Variants in ZNF565 observed in about 807,000 individuals in gnomAD.
The protein encoded by ZNF565 is zinc finger protein 565.
A neutral mutation model predicts 39.4 loss-of-function variants in ZNF565; 27 were observed. The observed-to-expected ratio is 0.69, with a 90% CI of 0.51 to 0.95. The LOEUF (loss-of-function observed/expected upper bound fraction) is 0.95. ZNF565 is among the 40% of genes least tolerant of loss of function. The probability of loss-of-function intolerance (pLI) is 0.00; values close to 1 mark genes in which losing one functional copy is unlikely to be tolerated. For missense variants in ZNF565, 524 were observed against 621.1 expected, an observed-to-expected ratio of 0.84 and a Z score of 1.66; for synonymous variants, 185 against 216.6, an observed-to-expected ratio of 0.85 and a Z score of 1.28.
chr19:36,220,737 A>G (rs556954486), intron 1 of ZNF565, among the ~76,000 whole-genome samples: 1 of 152,332 alleles, frequency 6.6e-6, no homozygotes, highest in East Asian at 1.9e-4. Flanking sequence ...TTATCCTGCA[A>G]TATAAAGAAA....
chr19:36,226,650 CA>C (rs1301534223), intron 1 of ZNF565, among the ~76,000 whole-genome samples: 1 of 152,070 alleles, frequency 6.6e-6, no homozygotes, highest in East Asian at 1.9e-4. Flanking sequence ...ATGCATTTTG[CA>C]AGAACAAAAA....
At chr19:36,205,553 G>A (rs1272468257) in intron 1 of ZNF565, among the ~76,000 whole-genome samples, 1 of 151,912 alleles carries the variant, frequency 6.6e-6, no homozygotes, top group Non-Finnish European at 1.5e-5. Flanking sequence ...AGAAAAAGTA[G>A]GTTTTCACTT....
chr19:36,231,514 C>T (rs1977370361), intron 1 of ZNF565, among the ~76,000 whole-genome samples: 1 of 152,142 alleles, frequency 6.6e-6, no homozygotes, highest in East Asian at 1.9e-4. Flanking sequence ...TGGACTCATT[C>T]TTAAGTTATA....
At chr19:36,230,998 A>G (rs185258602) in intron 1 of ZNF565, among the ~76,000 whole-genome samples, 2 of 152,122 alleles carry the variant, frequency 1.3e-5, no homozygotes, top group East Asian at 3.9e-4. Flanking sequence ...TCGAGGTTTC[A>G]CCATGTTGGC....
chr19:36,222,181 C>T (rs1275074027), intron 1 of ZNF565, among the ~76,000 whole-genome samples: 1 of 152,146 alleles, frequency 6.6e-6, no homozygotes, highest in Non-Finnish European at 1.5e-5. Flanking sequence ...CTCTTGGCTT[C>T]CCAAAGTGTT....
At chr19:36,203,933 G>C (rs749376365) in intron 1 of ZNF565, among the ~76,000 whole-genome samples, 1 of 151,634 alleles carries the variant, frequency 6.6e-6, no homozygotes, top group Non-Finnish European at 1.5e-5. Flanking sequence ...TCCTGTAGGG[G>C]GTGTGTCAAA....
At chr19:36,223,520 G>A (rs911456483) in intron 1 of ZNF565, among the ~76,000 whole-genome samples, 7 of 151,624 alleles carry the variant, frequency 4.6e-5, no homozygotes, top group Admixed American at 2.0e-4. Context: ...ATGCCACCAC[G>A]CCTGGTTAAT....
At chr19:36,236,242 GAGAA>G (rs1977640136) in intron 1 of ZNF565, 6 of 579,194 alleles carry the variant, frequency 1.0e-5, no homozygotes, top group Non-Finnish European at 1.7e-5. Flanking sequence ...TTTTTCTAGA[GAGAA>G]AGCATTGAAT....
chr19:36,241,897 GA>G (rs1977807941), intron 1 of ZNF565, among the ~76,000 whole-genome samples: 1 of 150,748 alleles, frequency 6.6e-6, no homozygotes, highest in Non-Finnish European at 1.5e-5. Flanking sequence ...CTAAACATAA[GA>G]GATAAACTCT....
In ZNF565 at chr19:36,245,735, C is replaced by T; in HGVS notation, c.-205G>A. On this transcript the variant is annotated 5_prime_UTR_variant, in exon 1 of 5. Coordinates refer to the ZNF565 transcript ENST00000355114. The surrounding 1 kb of genome is among the most constrained non-coding windows in gnomAD (Gnocchi z 4.4). ...CTCGAGCTATGACCCACCCTGGCTC[C>T]GTCCACGGTTGTCGGGGTCCCGGGC... The T allele has an allele frequency of 5.4e-6, 3 of 555,118 alleles. No homozygotes were observed. Among genetic ancestry groups the T allele is most frequent in the South Asian group, 2.3e-5 (1 of 43,426 alleles). 34.4% of individuals were successfully genotyped at this position (555,118 alleles called of 1,614,324 possible). A position where few individuals can be genotyped will look rare whatever the true frequency, so the allele number is the denominator to read the frequency against.
chr19:36,198,348 G>T (rs1376772284), intron 2 of ZNF565, among the ~76,000 whole-genome samples: 1 of 152,118 alleles, frequency 6.6e-6, no homozygotes, highest in Non-Finnish European at 1.5e-5. Flanking sequence ...AATGGAACTG[G>T]AGGTTATTAT....
At chr19:36,243,215 G>A (rs1977828241) in intron 1 of ZNF565, among the ~76,000 whole-genome samples, 1 of 152,026 alleles carries the variant, frequency 6.6e-6, no homozygotes. Flanking sequence ...TGTATTTTTA[G>A]TAGAGATGGA....
In ZNF565 at chr19:36,245,634, A is replaced by G; in HGVS notation, c.-104T>C. On this transcript the variant is annotated 5_prime_UTR_variant, in exon 1 of 5. Transcript: ENST00000355114. This position sits in a 1 kb window ranked among gnomAD's most constrained non-coding sequence, Gnocchi z 4.4. ...AGCTTCGAGGCTACCACCTGCCCGA[A>G]TTGGTGCTTTGGCAGAGTCTCTGGT... is the stretch of plus-strand genomic sequence containing the variant. 1 of 696,804 alleles carries G rather than the reference A, an allele frequency of 1.4e-6. No individual in the cohort carries two copies. Among genetic ancestry groups the G allele is most frequent in the East Asian group, 2.7e-5 (1 of 37,224 alleles). 43.2% of individuals were successfully genotyped at this position (696,804 alleles called of 1,614,324 possible). A position where few individuals can be genotyped will look rare whatever the true frequency, so the allele number is the denominator to read the frequency against.
At position 36,183,492 on chromosome 19, in the gene ZNF565, C is replaced by G; in HGVS notation, c.474G>C (p.Gln158His). Residue 158 changes from glutamine to histidine, a missense_variant, in exon 5 of 5, where the codon CAG (glutamine) becomes CAC (histidine). By Grantham distance (24) the Gln-to-His change is conservative. Transcript: ENST00000304116. ...FQHHTSHTVR[Q>H]SRETGEKLME... ...TCAGTTTCTCACCAGTCTCCCTGCT[C>G]TGACGTACAGTGTGAGACGTGTGAT... 6.2e-7 allele frequency: 1 copy of G among 1,614,244 alleles called. No homozygotes were observed. The highest frequency in any genetic ancestry group is 1.3e-5 in the African/African-American group (1 of 75,068).
At chr19:36,213,099 C>T (rs1337127633) in intron 1 of ZNF565, 1 of 152,320 alleles carries the variant, frequency 6.6e-6, no homozygotes, top group African/African-American at 2.4e-5. Context: ...CACTCCTGTC[C>T]AGGGCCAGAA....
intron 2 of ZNF565, among the ~76,000 whole-genome samples, chr19:36,199,710 T>C (rs1486691562): frequency 6.6e-6 from 1 of 152,070 alleles, no homozygotes; most frequent in African/African-American, 2.4e-5. Flanking sequence ...GAGAGAGGGT[T>C]TTCCCATGTT....
In ZNF565 at chr19:36,182,548, T is replaced by C; in HGVS notation, c.1418A>G (p.Lys473Arg). The C allele has an allele frequency of 6.2e-7, 1 of 1,613,356 alleles. No homozygotes were observed. The highest frequency in any genetic ancestry group is 8.5e-7 in the Non-Finnish European group (1 of 1,179,586). ...TEHQRIHPGI[K>R]PYECRECGQA... ...CCCACACTCTCTACATTCGTAAGGTTTGATACCAGGATGAATTCTCTGATG... is the reference window on the plus strand; with the variant it reads ...CCCACACTCTCTACATTCGTAAGGTCTGATACCAGGATGAATTCTCTGATG... The change falls in exon 5 of 5, where the codon AAA (lysine) becomes AGA (arginine). Residue 473 changes from lysine (K) to arginine (R), a missense_variant. Coordinates refer to ENST00000304116, the MANE Select transcript of ZNF565 (RefSeq NM_152477.5).
chr19:36,221,325 G>A (rs193068230), intron 1 of ZNF565, among the ~76,000 whole-genome samples: 6 of 112,094 alleles, frequency 5.4e-5, no homozygotes, highest in African/African-American at 2.2e-4. Context: ...GTCTCACTCT[G>A]TCCCCTAGGC....
chr19:36,238,492 T>C lies in ZNF565; in HGVS notation c.55+6984A>G, dbSNP rs143357331. 3.8e-4 allele frequency: 63 copies of C among 167,176 alleles called. No homozygotes were observed. In the East Asian group the frequency reaches 0.012, roughly 32 times the overall value. 10.4% of individuals were successfully genotyped at this position (167,176 alleles called of 1,614,324 possible). A position where few individuals can be genotyped will look rare whatever the true frequency, so the allele number is the denominator to read the frequency against. On this transcript the variant is annotated intron_variant, in intron 1 of 4. Coordinates refer to the ZNF565 transcript ENST00000355114. ...TCTTTCAAAAGACTTCAAGTAAATATAAGAAGATACTGATTGATTCTGGAT... is the reference window on the plus strand; with the variant it reads ...TCTTTCAAAAGACTTCAAGTAAATACAAGAAGATACTGATTGATTCTGGAT...
Sources: allele counts gnomAD v4.1 joint callset (sites outside exome capture counted in the v4.1 genomes callset), GRCh38; gene constraint gnomAD v4.1.1; non-coding constraint Gnocchi (gnomAD v3.1); transcripts MANE v1.5; gene names NCBI Gene and HGNC (gene_info 2026-07-23, HGNC 2026-07-21).